USP12: variants seen among roughly 807,000 people sequenced by gnomAD.
The protein encoded by USP12 is ubiquitin carboxyl-terminal hydrolase 12.
A neutral mutation model predicts 45.5 loss-of-function variants in USP12; 19 were observed. That is an observed-to-expected ratio of 0.42 (90% CI 0.29 to 0.61). USP12 has a LOEUF of 0.61. USP12 is among the 20% of genes least tolerant of loss of function. The pLI, the probability that USP12 is intolerant of heterozygous loss-of-function variation, is 0.22. For missense variants in USP12, 242 were observed against 447.7 expected (o/e 0.54, Z 4.15); for synonymous variants, 149 against 148.8 (o/e 1.00, Z -0.01).
At chr13:27,098,366 T>TA (rs55837621) in intron 3 of USP12, among the ~76,000 whole-genome samples, 130,757 of 150,154 alleles carry the variant, frequency 0.87, 57,793 homozygotes, top group East Asian at 0.99. Flanking sequence ...ACAGAATATT[T>TA]AAAAAAAAAC....
chr13:27,110,753 T>C (rs531594819), intron 2 of USP12, among the ~76,000 whole-genome samples: 2 of 152,318 alleles, frequency 1.3e-5, no homozygotes, highest in South Asian at 4.1e-4. Context: ...CAGTATCCAG[T>C]ATAAATCTGT....
intron 3 of USP12, among the ~76,000 whole-genome samples, chr13:27,101,555 A>C (rs1458196069): frequency 6.6e-6 from 1 of 152,214 alleles, no homozygotes; most frequent in Non-Finnish European, 1.5e-5. Flanking sequence ...TCCCTCCGTC[A>C]TGGAACTGAC....
At chr13:27,127,981 C>T (rs1593198334) in intron 1 of USP12, among the ~76,000 whole-genome samples, 2 of 152,130 alleles carry the variant, frequency 1.3e-5, no homozygotes, top group Non-Finnish European at 2.9e-5. Context: ...ACTCAATGTT[C>T]CTATTAGACA....
At chr13:27,086,174 T>TAA (rs138475761) in intron 6 of USP12, among the ~76,000 whole-genome samples, 3 of 72,346 alleles carry the variant, frequency 4.1e-5, no homozygotes, top group African/African-American at 5.4e-5. Flanking sequence ...TTTGTCTCTT[T>TAA]AAAAAAAAAA....
chr13:27,102,269 A>C (rs1381878118), intron 3 of USP12, among the ~76,000 whole-genome samples: 1 of 152,134 alleles, frequency 6.6e-6, no homozygotes, highest in Non-Finnish European at 1.5e-5. Context: ...ATTTCTTCCA[A>C]AATAATAGTA....
intron 6 of USP12, among the ~76,000 whole-genome samples, chr13:27,084,425 G>C (rs1346165656): frequency 6.8e-6 from 1 of 147,318 alleles, no homozygotes; most frequent in Non-Finnish European, 1.5e-5. Context: ...AGAATCGCTT[G>C]AACCCGGGAG....
At chr13:27,143,208 G>T (rs1275614845) in intron 1 of USP12, among the ~76,000 whole-genome samples, 1 of 151,648 alleles carries the variant, frequency 6.6e-6, no homozygotes, top group African/African-American at 2.4e-5. Flanking sequence ...GATTGTAATT[G>T]ATTATTATCA....
chr13:27,125,596 G>C (rs1292514829), intron 1 of USP12, among the ~76,000 whole-genome samples: 1 of 152,210 alleles, frequency 6.6e-6, no homozygotes, highest in Non-Finnish European at 1.5e-5. Context: ...TCATCTCATT[G>C]GGACTGGCTG....
chr13:27,137,660 T>C (rs1324951997), intron 1 of USP12, among the ~76,000 whole-genome samples: 1 of 152,174 alleles, frequency 6.6e-6, no homozygotes, highest in Non-Finnish European at 1.5e-5. Flanking sequence ...GGGCAGAAAT[T>C]AAAGTGTTCC....
intron 3 of USP12, among the ~76,000 whole-genome samples, chr13:27,098,810 T>C (rs1232330945): frequency 2.0e-5 from 3 of 152,232 alleles, no homozygotes; most frequent in Non-Finnish European, 2.9e-5. Context: ...ATTTAAATTA[T>C]GCTATAATTT....
chr13:27,095,913 A>T (rs746664715), intron 3 of USP12, 83 bp from the exon 4 acceptor site: 1 of 992,618 alleles, frequency 1.0e-6, no homozygotes, highest in Non-Finnish European at 1.4e-6. Context: ...AATATCTAGT[A>T]TTGGATCAGA....
intron 1 of USP12, among the ~76,000 whole-genome samples, chr13:27,154,948 T>A (rs7331893): frequency 1.3e-4 from 19 of 148,384 alleles, no homozygotes; most frequent in African/African-American, 4.8e-4. Context: ...AAGGGCAGCA[T>A]CCAGGTGGCA....
intron 1 of USP12, among the ~76,000 whole-genome samples, chr13:27,170,709 A>G (rs1250971422): frequency 6.6e-6 from 1 of 152,232 alleles, no homozygotes; most frequent in Non-Finnish European, 1.5e-5. Context: ...AACAAATACC[A>G]TCGCCTTGGC....
intron 1 of USP12, among the ~76,000 whole-genome samples, chr13:27,170,659 T>C (rs1878550338): frequency 6.6e-6 from 1 of 152,242 alleles, no homozygotes; most frequent in Non-Finnish European, 1.5e-5. Context: ...CAGCGGGCAT[T>C]AGCACTTTTC....
intron 2 of USP12, among the ~76,000 whole-genome samples, chr13:27,106,622 T>C (rs1422472514): frequency 2.0e-5 from 3 of 152,138 alleles, no homozygotes; most frequent in African/African-American, 7.2e-5. Context: ...AAATCAAGTA[T>C]ATACAGTATT....
At chr13:27,143,099 G>A (rs201159982) in intron 1 of USP12, among the ~76,000 whole-genome samples, 390 of 143,138 alleles carry the variant, frequency 2.7e-3, no homozygotes, top group Middle Eastern at 0.014. Context: ...CTCAAAAAAA[G>A]AAAAAAAAAA....
At chr13:27,148,287 T>C (rs185725224) in intron 1 of USP12, among the ~76,000 whole-genome samples, 2 of 152,210 alleles carry the variant, frequency 1.3e-5, no homozygotes, top group Non-Finnish European at 2.9e-5. Flanking sequence ...CAAGAGTACC[T>C]GTAACAGCAA....
intron 1 of USP12, among the ~76,000 whole-genome samples, chr13:27,171,008 C>G (rs9579073): frequency 6.6e-6 from 1 of 152,224 alleles, no homozygotes. Flanking sequence ...GCGAGGAAAT[C>G]TGCACTTGAC....
Position 27,068,972 on chromosome 13 carries a change from T to C in USP12, c.*311A>G, listed in dbSNP as rs1205232884. On this transcript the variant is annotated 3_prime_UTR_variant, in exon 9 of 9. Transcript: ENST00000282344. ...CACCCCCAAGGAATTCAAAGCATTA[T>C]TGGTGCAATTAATAAAGAGAAAATG... The C allele has an allele frequency of 1.1e-5, 4 of 375,394 alleles. No homozygotes were observed. The highest frequency in any genetic ancestry group is 2.1e-5 in the African/African-American group (1 of 48,104). The allele number at this position is 375,394 out of a possible 1,614,324, so 23.3% of individuals were successfully genotyped here.
Sources: allele counts gnomAD v4.1 joint callset (sites outside exome capture counted in the v4.1 genomes callset), GRCh38; gene constraint gnomAD v4.1.1; transcripts MANE v1.5; gene names NCBI Gene and HGNC (gene_info 2026-07-23, HGNC 2026-07-21).